The following C4orf51 variants were observed in gnomAD, a reference collection of about 807,000 sequenced individuals.
The protein encoded by C4orf51 is chromosome 4 open reading frame 51, also known as uncharacterized protein C4orf51.
Under a neutral mutation model 25.2 loss-of-function variants are expected in C4orf51, and 25 were observed. That is an observed-to-expected ratio of 0.99 (90% CI 0.72 to 1.39). The LOEUF (loss-of-function observed/expected upper bound fraction) is 1.39, where lower values mean the gene tolerates loss of function less well. Ranked by LOEUF, C4orf51 falls within the 40% of genes most tolerant of loss-of-function variation. The pLI is 0.00. For missense variants in C4orf51, 252 were observed against 239.6 expected (o/e 1.05, Z -0.34); for synonymous variants, 100 against 84.5 (o/e 1.18, Z -1.01).
downstream of C4orf51, among the ~76,000 whole-genome samples, chr4:145,773,218 C>T (rs535139216): frequency 6.6e-6 from 1 of 152,320 alleles, no homozygotes; most frequent in South Asian, 2.1e-4. Context: ...ACATGGGTTT[C>T]CCAGCTCACC....
chr4:145,713,134 C>T (rs916795166), intron 2 of C4orf51, among the ~76,000 whole-genome samples: 10 of 152,180 alleles, frequency 6.6e-5, no homozygotes, highest in African/African-American at 1.4e-4. Context: ...AGAACTCTGA[C>T]GGAGATGTAC....
the C4orf51 span, among the ~76,000 whole-genome samples, chr4:145,786,942 C>A: frequency 6.6e-6 from 1 of 152,218 alleles, no homozygotes; most frequent in African/African-American, 2.4e-5. Context: ...ATGCAGATGG[C>A]TGGCACTGGT....
rs1320817216 is a variant in C4orf51 at position 145,763,702 on chromosome 4, T to C, written n.167-7286T>C. On this transcript the variant is annotated intron_variant and non_coding_transcript_variant, in intron 1 of 1. Coordinates refer to the C4orf51 transcript ENST00000510096. This position sits in a 1 kb window ranked among gnomAD's most constrained non-coding sequence, Gnocchi z 4.6. ...CAACCACAGAAAAACATGGTTCTGG[T>C]GTTTCTCTTTTTAAAATGAGAGCAC... is the stretch of plus-strand genomic sequence containing the variant. 6.6e-6 allele frequency among the ~76,000 whole-genome samples: 1 copy of C among 152,198 alleles called. No individual in the cohort carries two copies. Among genetic ancestry groups the C allele is most frequent in the Non-Finnish European group, 1.5e-5 (1 of 68,032 alleles).
rs984061596 is a variant in C4orf51, at chr4:145,765,367, C to G, written n.167-5621C>G. On this transcript the variant is annotated intron_variant and non_coding_transcript_variant, in intron 1 of 1. Coordinates refer to the C4orf51 transcript ENST00000510096. This position sits in a 1 kb window ranked among gnomAD's most constrained non-coding sequence, Gnocchi z 4.7. ...AATCAATGTCACCCTCCCCATCCTT[C>G]CACCCCATACTCGGATTCAAATTAA... Among the ~76,000 whole-genome samples the G allele has an allele frequency of 2.0e-5, 3 of 152,178 alleles. No homozygotes were observed. Among genetic ancestry groups the G allele is most frequent in the African/African-American group, 7.2e-5 (3 of 41,440 alleles).
chr4:145,704,573 T>C (rs925953715), intron 2 of C4orf51, among the ~76,000 whole-genome samples: 2 of 152,260 alleles, frequency 1.3e-5, no homozygotes, highest in South Asian at 2.1e-4. Context: ...TTCTTTTTCA[T>C]TGGTCTGTGT....
chr4:145,713,657 A>G (rs952872189), intron 2 of C4orf51, among the ~76,000 whole-genome samples: 67 of 152,264 alleles, frequency 4.4e-4, no homozygotes, highest in African/African-American at 1.5e-3. Context: ...CATTGTTTTA[A>G]TGACAACAAA....
chr4:145,780,123 G>A, the C4orf51 span, among the ~76,000 whole-genome samples: 2 of 152,126 alleles, frequency 1.3e-5, no homozygotes, highest in African/African-American at 4.8e-5. Context: ...GCTGGGAGGC[G>A]GAGGTTGCAG....
chr4:145,779,534 C>T, the C4orf51 span: 4 of 1,609,518 alleles, frequency 2.5e-6, no homozygotes, highest in Non-Finnish European at 2.5e-6. Flanking sequence ...AACAAAGCAT[C>T]ATGAGAAATA....
the C4orf51 span, among the ~76,000 whole-genome samples, chr4:145,785,717 T>C: frequency 2.6e-5 from 4 of 152,214 alleles, no homozygotes; most frequent in African/African-American, 9.7e-5. Flanking sequence ...ACCTGGCTAG[T>C]GACTCTGGGA....
At chr4:145,699,500 A>T (rs1730291147) in intron 2 of C4orf51, among the ~76,000 whole-genome samples, 1 of 151,838 alleles carries the variant, frequency 6.6e-6, no homozygotes, top group Admixed American at 6.6e-5. Flanking sequence ...TTGGCGCCAC[A>T]CTGCAGTCTC....
downstream of C4orf51, among the ~76,000 whole-genome samples, chr4:145,733,403 C>T (rs951477627): frequency 6.6e-6 from 1 of 152,172 alleles, no homozygotes; most frequent in African/African-American, 2.4e-5. Flanking sequence ...CTGCACATGA[C>T]CTGGGGCGCG....
the C4orf51 span, among the ~76,000 whole-genome samples, chr4:145,785,755 C>A: frequency 6.6e-6 from 1 of 152,188 alleles, no homozygotes; most frequent in Non-Finnish European, 1.5e-5. Context: ...CGGTGTCATT[C>A]AAGCTCTTCC....
chr4:145,699,861 T>C (rs2126699880), intron 2 of C4orf51, among the ~76,000 whole-genome samples: 1 of 151,656 alleles, frequency 6.6e-6, no homozygotes, highest in Non-Finnish European at 1.5e-5. Flanking sequence ...TTCTCTGCTT[T>C]TCTGGGGGAG....
downstream of C4orf51, chr4:145,759,142 A>G (rs1734191505): frequency 6.6e-6 from 1 of 152,220 alleles, no homozygotes; most frequent in African/African-American, 2.4e-5. Context: ...CAATAGATAA[A>G]TAATATATAA....
intron 2 of C4orf51, among the ~76,000 whole-genome samples, chr4:145,714,062 C>A (rs888577392): frequency 6.6e-6 from 1 of 152,162 alleles, no homozygotes; most frequent in Non-Finnish European, 1.5e-5. Context: ...GGATTACAGG[C>A]GTGATCTACT....
intron 1 of C4orf51, among the ~76,000 whole-genome samples, chr4:145,751,750 C>T (rs576922250): frequency 6.6e-6 from 1 of 152,220 alleles, no homozygotes; most frequent in African/African-American, 2.4e-5. Flanking sequence ...AGGACCCAGG[C>T]AGGCCCAGAG....
chr4:145,681,135 G>A (rs1207805912), intron 1 of C4orf51, among the ~76,000 whole-genome samples: 4 of 152,164 alleles, frequency 2.6e-5, no homozygotes, highest in African/African-American at 9.7e-5. Flanking sequence ...GGAGCTGCAA[G>A]GAGCTAAGTA....
rs1449813049 is a variant in C4orf51 at position 145,694,171 on chromosome 4, C to T, written c.234-2388C>T. Among the ~76,000 whole-genome samples, 8 of 148,694 alleles carry T rather than the reference C, an allele frequency of 5.4e-5. No homozygotes were observed. The East Asian group carries it at 1.1e-3, about 20-fold the overall frequency. ...TCCTCCTCACATCCCAGACGATGTGCGGCCGGGCAGAGACGCTCCTCACTT... is the reference window on the plus strand; with the variant it reads ...TCCTCCTCACATCCCAGACGATGTGTGGCCGGGCAGAGACGCTCCTCACTT... On this transcript the variant is annotated intron_variant, in intron 1 of 5. Transcript: ENST00000438731.
intron 1 of C4orf51, among the ~76,000 whole-genome samples, chr4:145,694,081 A>G (rs1350727973): frequency 7.6e-6 from 1 of 130,820 alleles, no homozygotes; most frequent in Non-Finnish European, 1.6e-5. Context: ...TCGGCCGGGC[A>G]GAGGCGCTCC....
Sources: allele counts gnomAD v4.1 joint callset (sites outside exome capture counted in the v4.1 genomes callset), GRCh38; gene constraint gnomAD v4.1.1; non-coding constraint Gnocchi (gnomAD v3.1); transcripts MANE v1.5; gene names NCBI Gene and HGNC (gene_info 2026-07-23, HGNC 2026-07-21).